The following KIF24 variants were observed in gnomAD, a reference collection of about 807,000 sequenced individuals.
The protein encoded by KIF24 is kinesin-like protein KIF24.
In KIF24, 81 loss-of-function variants were observed where a neutral mutation model predicts 118.9. The ratio of observed to expected loss-of-function variants is 0.68; its 90% CI spans 0.57 to 0.82. The LOEUF is 0.82. Ranked by LOEUF, KIF24 falls within the 40% of genes least tolerant of loss-of-function variation. KIF24 has a pLI of 0.00. For missense variants in KIF24, 1,560 were observed against 1,661.6 expected (o/e 0.94, Z 1.06); for synonymous variants, 599 against 610.0 (o/e 0.98, Z 0.27).
chr9:34,311,479 G>T, intron 1 of KIF24, 108 bp from the exon 2 acceptor site: 1 of 514,556 alleles, frequency 1.9e-6, no homozygotes, highest in Non-Finnish European at 3.2e-6. Flanking sequence ...TGCAAAAAAT[G>T]TTTTATCTGT....
At chr9:34,324,167 C>T (rs187957575) in intron 1 of KIF24, among the ~76,000 whole-genome samples, 1 of 152,258 alleles carries the variant, frequency 6.6e-6, no homozygotes, top group East Asian at 1.9e-4. Context: ...TTTAGTTCAC[C>T]TCGTAGTAAC....
In KIF24 at chr9:34,259,586, G is replaced by A; in HGVS notation, c.1625+10C>T. 6.2e-7 allele frequency: 1 copy of A among 1,607,438 alleles called. No individual in the cohort carries two copies. The highest frequency in any genetic ancestry group is 8.5e-7 in the Non-Finnish European group (1 of 1,174,132). On this transcript the variant is annotated intron_variant, in intron 10 of 12. Coordinates refer to ENST00000402558, the MANE Select transcript of KIF24 (RefSeq NM_194313.4). ...CTTACACACAACCTGCCATCTGGGA[G>A]CTGACTTACCGGTCAGCATAGCGCA...
chr9:34,292,685 A>G (rs1836300548), intron 4 of KIF24, among the ~76,000 whole-genome samples: 1 of 152,312 alleles, frequency 6.6e-6, no homozygotes, highest in East Asian at 1.9e-4. Context: ...CATGGGAGTT[A>G]ATTAGATGTA....
chr9:34,319,095 C>G (rs1424103120), intron 1 of KIF24: 4 of 1,349,276 alleles, frequency 3.0e-6, no homozygotes, highest in Non-Finnish European at 4.3e-6. Context: ...CGGTTCTATA[C>G]CGTGGGTGTC....
At chr9:34,262,965 C>G in intron 9 of KIF24, 136 bp downstream of exon 9, 1 of 661,592 alleles carries the variant, frequency 1.5e-6, no homozygotes, top group Non-Finnish European at 2.8e-6. Context: ...GAATTTCACT[C>G]CTCTCCTTCT....
rs987516503 is a variant in KIF24 at position 34,290,173 on chromosome 9, C to A, written c.1127+1G>T. 34 of 1,605,576 alleles carry A rather than the reference C, an allele frequency of 2.1e-5. 1 individual carries two copies. Among genetic ancestry groups the A allele is most frequent in the Middle Eastern group, 3.3e-4 (2 of 6,008 alleles). Reference sequence around the variant, plus strand: ...TATCGCTTCCCACTCATATTCAGTACCTTTTTCTTCTATTTAGGAGGTCAT... The same window carrying A: ...TATCGCTTCCCACTCATATTCAGTAACTTTTTCTTCTATTTAGGAGGTCAT... On this transcript the variant is annotated splice_donor_variant, in intron 5 of 12. Transcript: ENST00000402558. LOFTEE classifies it high-confidence loss of function.
At chr9:34,326,989 G>A (rs887301418) in intron 1 of KIF24, among the ~76,000 whole-genome samples, 1 of 151,864 alleles carries the variant, frequency 6.6e-6, no homozygotes, top group African/African-American at 2.4e-5. Flanking sequence ...CCTTTCATGA[G>A]GGTTAATTAG....
rs1405744927 is a variant in KIF24, at chr9:34,263,164, T to C, written c.1452A>G (p.Glu484=). The C allele has an allele frequency of 3.1e-6, 5 of 1,612,740 alleles. No individual in the cohort carries two copies. In the African/African-American group the frequency reaches 6.7e-5, roughly 22 times the overall value. Residue 484 remains glutamate, a synonymous_variant, in exon 9 of 13, where the codon GAA becomes GAG. Transcript: ENST00000402558. ...EINQSLLALK[E]CIRALDQEHT... ...GTTCCTGATCCAGTGCTCGGATACA[T>C]TCCTTCAGCTGCAAAGTGGGAGAAC...
At chr9:34,295,538 C>A (rs903809989) in intron 4 of KIF24, among the ~76,000 whole-genome samples, 1 of 152,036 alleles carries the variant, frequency 6.6e-6, no homozygotes, top group Non-Finnish European at 1.5e-5. Context: ...ATTAGCTGGG[C>A]GTGGTGGCAG....
At chr9:34,263,024 G>A (rs1458761724) in intron 9 of KIF24, 77 bp downstream of exon 9, 3 of 1,114,628 alleles carry the variant, frequency 2.7e-6, no homozygotes, top group African/African-American at 3.1e-5. Context: ...GTGGATGCTC[G>A]ACTGAATGAA....
chr9:34,290,618 T>G (rs1307436181), intron 4 of KIF24, among the ~76,000 whole-genome samples: 1 of 151,838 alleles, frequency 6.6e-6, no homozygotes, highest in Admixed American at 6.6e-5. Context: ...TTTTTGTTTT[T>G]TGAAATGGAG....
chr9:34,310,076 TAACTCGAAGCACTAGGTGA>T (rs975200946), intron 2 of KIF24, among the ~76,000 whole-genome samples: 11 of 152,100 alleles, frequency 7.2e-5, no homozygotes, highest in Non-Finnish European at 1.0e-4. Context: ...TTTCAAATTC[TAACTCGAAGCACTAGGTGA>T]AAATAACTTA....
chr9:34,271,553 A>T (rs1157179356), intron 7 of KIF24, among the ~76,000 whole-genome samples: 1 of 152,110 alleles, frequency 6.6e-6, no homozygotes, highest in Non-Finnish European at 1.5e-5. Context: ...TTCTCTGCTG[A>T]AACTGTGTTT....
At chr9:34,288,194 T>C (rs1280025552) in intron 5 of KIF24, among the ~76,000 whole-genome samples, 2 of 151,028 alleles carry the variant, frequency 1.3e-5, no homozygotes, top group African/African-American at 4.8e-5. Flanking sequence ...ATAAATCTTA[T>C]TTAAAAATTG....
rs1310929688 is a variant in KIF24 at position 34,297,129 on chromosome 9, T to G, written c.814-15A>C. The stretch of plus-strand genomic sequence containing the variant: ...TAAAAAACATGCTGAAAAATAAATT[T>G]GATTTTATGGAAAGAGACACATTCT... On this transcript the variant is annotated splice_polypyrimidine_tract_variant and intron_variant, in intron 3 of 12. Coordinates refer to ENST00000402558, the MANE Select transcript of KIF24 (RefSeq NM_194313.4). The G allele has an allele frequency of 6.9e-7, 1 of 1,454,096 alleles. No homozygotes were observed. The highest frequency in any genetic ancestry group is 9.4e-7 in the Non-Finnish European group (1 of 1,058,438). 90.1% of individuals were successfully genotyped at this position (1,454,096 alleles called of 1,614,324 possible).
upstream of KIF24, among the ~76,000 whole-genome samples, chr9:34,333,659 A>AAAAT (rs1838010595): frequency 6.6e-6 from 1 of 150,522 alleles, no homozygotes; most frequent in African/African-American, 2.4e-5. Flanking sequence ...AAAAAAAAAA[A>AAAAT]AAAAAAAAAA....
At chr9:34,322,833 G>C (rs1006629386) in intron 1 of KIF24, among the ~76,000 whole-genome samples, 2 of 152,138 alleles carry the variant, frequency 1.3e-5, no homozygotes, top group Non-Finnish European at 2.9e-5. Context: ...TCCAGCCTGG[G>C]CAACAGAGTG....
In KIF24 at chr9:34,318,370, GTCCATCGTGGTGCACGCAAA is replaced by G; in HGVS notation, c.-25-7019_-25-7000del. ...ACCCAGCTTGACCTAGCCCTGACAG[GTCCATCGTGGTGCACGCAAA>G]CCACCTCCCAGCCACGCGCTCCCTC... On this transcript the variant is annotated intron_variant, in intron 1 of 12. Coordinates refer to ENST00000402558, the MANE Select transcript of KIF24 (RefSeq NM_194313.4). This position sits in a 1 kb window ranked among gnomAD's most constrained non-coding sequence, Gnocchi z 4.9. 1.5e-6 allele frequency: 1 copy of G among 676,306 alleles called. No homozygotes were observed. The highest frequency in any genetic ancestry group is 2.7e-5 in the East Asian group (1 of 36,752). The allele number at this position is 676,306 out of a possible 1,614,324, so 41.9% of individuals were successfully genotyped here. A position where few individuals can be genotyped will look rare whatever the true frequency, so the allele number is the denominator to read the frequency against.
chr9:34,291,710 G>C (rs1408765480), intron 4 of KIF24, among the ~76,000 whole-genome samples: 1 of 152,006 alleles, frequency 6.6e-6, no homozygotes, highest in Non-Finnish European at 1.5e-5. Flanking sequence ...GTGCTAAGTA[G>C]AGAATGAACA....
Sources: gnomAD v4.1 joint callset for allele counts (sites outside exome capture counted in the v4.1 genomes callset) on GRCh38, gnomAD v4.1.1 for gene constraint, Gnocchi (gnomAD v3.1) non-coding constraint, MANE v1.5 for transcripts, NCBI Gene and HGNC (gene_info 2026-07-23, HGNC 2026-07-21) for gene names.